Variants in CMSS1 observed in about 807,000 individuals in gnomAD.
The protein encoded by CMSS1 is protein CMSS1.
CMSS1 carries 33 observed loss-of-function variants against 43.5 expected under a neutral mutation model. The observed-to-expected ratio is 0.76, with a 90% CI of 0.57 to 1.01. The LOEUF (loss-of-function observed/expected upper bound fraction) is 1.01, where lower values mean the gene tolerates loss of function less well. Among genes scored for constraint, CMSS1 ranks in the 50% least tolerant of loss-of-function variants. The pLI, the probability that CMSS1 is intolerant of heterozygous loss-of-function variation, is 0.00. For synonymous variants in CMSS1, 115 were observed against 117.2 expected, an observed-to-expected ratio of 0.98 and a Z score of 0.12; for missense variants, 313 against 326.4, an observed-to-expected ratio of 0.96 and a Z score of 0.32.
chr3:99,963,553 C>G (rs531995725), intron 1 of CMSS1, among the ~76,000 whole-genome samples: 1 of 152,098 alleles, frequency 6.6e-6, no homozygotes, highest in Non-Finnish European at 1.5e-5. Flanking sequence ...CATTTTGTGT[C>G]AGAGAAGACT....
rs924330608 is a variant in CMSS1 at position 99,931,121 on chromosome 3, T to G, written c.64+113078T>G. Reference sequence around the variant, plus strand: ...CTGCTTTAACAAGTCTACATTCTTGTTATATTTACCACAGCCCCAAAGTCA... The same window carrying G: ...CTGCTTTAACAAGTCTACATTCTTGGTATATTTACCACAGCCCCAAAGTCA... On this transcript the variant is annotated intron_variant, in intron 1 of 9. Transcript: ENST00000421999. 16 of 1,080,730 alleles carry G rather than the reference T, an allele frequency of 1.5e-5. No homozygotes were observed. In the African/African-American group the frequency reaches 1.7e-4, roughly 12 times the overall value. The allele number at this position is 1,080,730 out of a possible 1,614,324, so 66.9% of individuals were successfully genotyped here.
chr3:99,878,764 C>A (rs894875806), intron 1 of CMSS1, among the ~76,000 whole-genome samples: 3 of 152,164 alleles, frequency 2.0e-5, no homozygotes, highest in African/African-American at 7.2e-5. Context: ...GGAGCAGGAC[C>A]TTTAACTGAT....
intron 1 of CMSS1, among the ~76,000 whole-genome samples, chr3:99,839,521 A>G (rs533075698): frequency 2.6e-5 from 4 of 152,278 alleles, no homozygotes; most frequent in South Asian, 4.1e-4. Context: ...TATCTCTTCA[A>G]TTCTTGGGAT....
At chr3:100,014,895 C>CTTTTTTTTTTTTTTTTTTTTTTTTTTCT (rs1233573719) in intron 1 of CMSS1, among the ~76,000 whole-genome samples, 1 of 25,006 alleles carries the variant, frequency 4.0e-5, no homozygotes, top group Admixed American at 5.7e-4. Flanking sequence ...TTCTTTCTTT[C>CTTTTTTTTTTTTTTTTTTTTTTTTTTCT]TTTTTTTTTT....
chr3:99,981,344 A>T (rs137945489), intron 1 of CMSS1, among the ~76,000 whole-genome samples: 3 of 152,302 alleles, frequency 2.0e-5, no homozygotes, highest in Non-Finnish European at 2.9e-5. Flanking sequence ...GAAATGACTT[A>T]GGAAGAGTCA....
chr3:100,067,109 A>G lies in CMSS1; in HGVS notation c.65-79864A>G, dbSNP rs189353074. On this transcript the variant is annotated intron_variant, in intron 1 of 9. Coordinates refer to ENST00000421999, the MANE Select transcript of CMSS1 (RefSeq NM_032359.4). ...CTGAGATGCATGTTCCCAGGGCACC[A>G]GTCACCTAGAATACAGGAGTTTTGC... is the stretch of plus-strand genomic sequence containing the variant. Among the ~76,000 whole-genome samples the G allele has an allele frequency of 6.5e-4, 99 of 152,328 alleles. 1 individual carries two copies. Among genetic ancestry groups the G allele is most frequent in the Admixed American group, 2.5e-3 (39 of 15,302 alleles).
chr3:99,855,417 C>T (rs1269236945), intron 1 of CMSS1, among the ~76,000 whole-genome samples: 1 of 152,120 alleles, frequency 6.6e-6, no homozygotes, highest in Non-Finnish European at 1.5e-5. Context: ...TTACTTAGTG[C>T]CAGTGATGTG....
intron 1 of CMSS1, among the ~76,000 whole-genome samples, chr3:100,035,542 C>T (rs772839007): frequency 9.9e-5 from 15 of 152,146 alleles, no homozygotes; most frequent in Non-Finnish European, 1.2e-4. Context: ...CAATTACAGG[C>T]GTGAGACACT....
chr3:100,104,845 G>A (rs2107464446), intron 1 of CMSS1, among the ~76,000 whole-genome samples: 1 of 152,246 alleles, frequency 6.6e-6, no homozygotes, highest in South Asian at 2.1e-4. Context: ...ACCATTTACA[G>A]CTTAGCTAGC....
rs530533873 is a variant in CMSS1 at position 100,097,685 on chromosome 3, G to T, written c.65-49288G>T. On this transcript the variant is annotated intron_variant, in intron 1 of 9. Coordinates refer to ENST00000421999, the MANE Select transcript of CMSS1 (RefSeq NM_032359.4). ...TCATGAATATTTTCTAAACTATTAGGTTATTTTCAGCACCATTAATAGACT... is the reference window on the plus strand; with the variant it reads ...TCATGAATATTTTCTAAACTATTAGTTTATTTTCAGCACCATTAATAGACT... Among the ~76,000 whole-genome samples, 69 of 152,210 alleles carry T rather than the reference G, an allele frequency of 4.5e-4. 1 individual carries two copies. The South Asian group carries it at 0.011, about 24-fold the overall frequency.
chr3:99,901,097 C>A (rs1316921670), intron 1 of CMSS1, among the ~76,000 whole-genome samples: 1 of 152,200 alleles, frequency 6.6e-6, no homozygotes, highest in Non-Finnish European at 1.5e-5. Flanking sequence ...AAACTGTATA[C>A]AACATTCTTT....
intron 1 of CMSS1, among the ~76,000 whole-genome samples, chr3:100,080,375 C>A (rs1216381649): frequency 1.3e-5 from 2 of 151,982 alleles, no homozygotes; most frequent in Non-Finnish European, 2.9e-5. Flanking sequence ...ACAAACTATC[C>A]CTTTACAGAG....
intron 1 of CMSS1, among the ~76,000 whole-genome samples, chr3:99,933,097 C>T (rs990591949): frequency 3.9e-5 from 6 of 152,298 alleles, no homozygotes; most frequent in Non-Finnish European, 7.3e-5. Context: ...GAAGGTTGCA[C>T]AGCTAATAAG....
rs1362220583 is a variant in CMSS1, at chr3:100,138,939, A to G, written c.65-8034A>G. 4.6e-5 allele frequency among the ~76,000 whole-genome samples: 7 copies of G among 152,218 alleles called. No homozygotes were observed. In the South Asian group the frequency reaches 6.2e-4, roughly 14 times the overall value. On this transcript the variant is annotated intron_variant, in intron 1 of 9. Coordinates refer to ENST00000421999, the MANE Select transcript of CMSS1 (RefSeq NM_032359.4). ...TTACAATAGCAAAGTCATGGATCCA[A>G]CCCAAATGCCCATTGATGATAGACT...
chr3:100,145,329 TC>T (rs1341520211), intron 1 of CMSS1, among the ~76,000 whole-genome samples: 1 of 152,060 alleles, frequency 6.6e-6, no homozygotes, highest in Non-Finnish European at 1.5e-5. Context: ...GTGCCTGTGA[TC>T]CCAGCTACTC....
At chr3:100,007,844 C>T (rs1205392230) in intron 1 of CMSS1, among the ~76,000 whole-genome samples, 2 of 152,148 alleles carry the variant, frequency 1.3e-5, no homozygotes, top group East Asian at 1.9e-4. Flanking sequence ...GGAGTACAGA[C>T]AGGTGTCTAT....
intron 1 of CMSS1, among the ~76,000 whole-genome samples, chr3:100,068,095 A>G (rs568492653): frequency 2.0e-4 from 30 of 152,370 alleles, no homozygotes; most frequent in African/African-American, 6.7e-4. Context: ...AAATTGTGAA[A>G]GATTACATGG....
chr3:100,179,283 C>A lies in CMSS1; in HGVS notation c.*895C>A, dbSNP rs1264439276. On this transcript the variant is annotated 3_prime_UTR_variant, in exon 10 of 10. Transcript: ENST00000421999. ...TCTCACATTTCAAAACACAATCATG[C>A]CTTCTCAACAGTCCCCCAAAGTCTT... is the stretch of plus-strand genomic sequence containing the variant. 6.6e-6 allele frequency: 1 copy of A among 152,242 alleles called. No individual in the cohort carries two copies. Among genetic ancestry groups the A allele is most frequent in the African/African-American group, 2.4e-5 (1 of 41,458 alleles). 9.4% of individuals were successfully genotyped at this position (152,242 alleles called of 1,614,324 possible).
intron 1 of CMSS1, among the ~76,000 whole-genome samples, chr3:99,895,541 A>G (rs974118800): frequency 2.0e-5 from 3 of 152,134 alleles, no homozygotes; most frequent in Admixed American, 6.5e-5. Context: ...TGCTAGATAT[A>G]GTTTAGGGAA....
Sources: gnomAD v4.1 joint callset for allele counts (sites outside exome capture counted in the v4.1 genomes callset) on GRCh38, gnomAD v4.1.1 for gene constraint, MANE v1.5 for transcripts, NCBI Gene and HGNC (gene_info 2026-07-23, HGNC 2026-07-21) for gene names.